ACOXL: variants seen among roughly 807,000 people sequenced by gnomAD.
ACOXL encodes the protein acyl-CoA oxidase like.
ACOXL carries 70 observed loss-of-function variants against 71.9 expected under a neutral mutation model. The ratio of observed to expected loss-of-function variants is 0.97; its 90% confidence interval spans 0.80 to 1.19. The LOEUF (loss-of-function observed/expected upper bound fraction) is 1.19, where lower values mean the gene tolerates loss of function less well. Ranked by LOEUF, ACOXL falls within the 50% of genes most tolerant of loss-of-function variation. ACOXL has a pLI of 0.00. For missense variants in ACOXL, 703 were observed against 736.3 expected, an observed-to-expected ratio of 0.95 and a Z score of 0.52; for synonymous variants, 253 against 281.6, an observed-to-expected ratio of 0.90 and a Z score of 1.02.
At chr2:110,979,136 C>G (rs2062592388) in intron 12 of ACOXL, among the ~76,000 whole-genome samples, 1 of 152,200 alleles carries the variant, frequency 6.6e-6, no homozygotes, top group African/African-American at 2.4e-5. Context: ...GACACATCCA[C>G]TTCCCTGAGT....
chr2:110,991,707 GC>G (rs925367264), intron 13 of ACOXL, among the ~76,000 whole-genome samples: 4 of 151,562 alleles, frequency 2.6e-5, no homozygotes, highest in African/African-American at 9.7e-5. Flanking sequence ...TTTTATTGCT[GC>G]TCAGGACCCT....
intron 9 of ACOXL, among the ~76,000 whole-genome samples, chr2:110,816,197 A>T (rs1283166761): frequency 1.3e-5 from 2 of 151,528 alleles, no homozygotes; most frequent in African/African-American, 4.9e-5. Flanking sequence ...GGATGAATGG[A>T]TGGGTAGATG....
At chr2:110,883,267 G>A (rs1696890226) in intron 10 of ACOXL, among the ~76,000 whole-genome samples, 1 of 152,012 alleles carries the variant, frequency 6.6e-6, no homozygotes, top group Non-Finnish European at 1.5e-5. Context: ...ATGCCACCAT[G>A]CCTAGCTAAT....
intron 16 of ACOXL, among the ~76,000 whole-genome samples, chr2:111,053,302 A>G (rs897858108): frequency 1.3e-5 from 2 of 152,198 alleles, no homozygotes; most frequent in Non-Finnish European, 2.9e-5. Flanking sequence ...CACTCTGTGG[A>G]TGCATTTCTA....
intron 14 of ACOXL, among the ~76,000 whole-genome samples, chr2:111,023,433 T>A (rs1434955760): frequency 1.3e-5 from 2 of 152,116 alleles, no homozygotes; most frequent in African/African-American, 4.8e-5. Context: ...AGGTTTCTGC[T>A]CATCCTGTTT....
intron 9 of ACOXL, among the ~76,000 whole-genome samples, chr2:110,826,670 A>C (rs1428383146): frequency 6.6e-6 from 1 of 152,162 alleles, no homozygotes; most frequent in Non-Finnish European, 1.5e-5. Context: ...ATTGATGTTA[A>C]AAACATGTCA....
At position 110,990,860 on chromosome 2, in the gene ACOXL, T is replaced by C. The variant is rs1441126711; in HGVS notation, c.1169+3643T>C. Among the ~76,000 whole-genome samples, 3 of 152,246 alleles carry C rather than the reference T, an allele frequency of 2.0e-5. No homozygotes were observed. The East Asian group carries it at 5.8e-4, about 29-fold the overall frequency. Reference sequence around the variant, plus strand: ...GCTTAAGAAACACTCAATTTTGTTATGCTGTATTATCATATTTATATTTTC... The same window carrying C: ...GCTTAAGAAACACTCAATTTTGTTACGCTGTATTATCATATTTATATTTTC... On this transcript the variant is annotated intron_variant, in intron 13 of 17. Transcript: ENST00000439055.
chr2:111,064,442 A>AAAAAC (rs1207473677), intron 16 of ACOXL, among the ~76,000 whole-genome samples: 1 of 151,320 alleles, frequency 6.6e-6, no homozygotes, highest in African/African-American at 2.4e-5. Flanking sequence ...TCTCAAAAAA[A>AAAAAC]AAACAAAAAA....
At chr2:110,903,500 C>G (rs996658623) in intron 10 of ACOXL, among the ~76,000 whole-genome samples, 1 of 152,216 alleles carries the variant, frequency 6.6e-6, no homozygotes, top group Non-Finnish European at 1.5e-5. Context: ...GCTGTGCGCA[C>G]AAGCACCACT....
chr2:111,046,438 G>C (rs2066019287), intron 15 of ACOXL, among the ~76,000 whole-genome samples: 1 of 152,166 alleles, frequency 6.6e-6, no homozygotes, highest in Non-Finnish European at 1.5e-5. Flanking sequence ...CCCAAGACTG[G>C]GTAATTTATG....
chr2:110,990,937 GT>G (rs1176285608), intron 13 of ACOXL, among the ~76,000 whole-genome samples: 4 of 152,064 alleles, frequency 2.6e-5, no homozygotes, highest in Non-Finnish European at 4.4e-5. Context: ...TATATTTATG[GT>G]TTTCCATTCT....
chr2:110,786,372 C>T (rs1683965394), intron 3 of ACOXL, among the ~76,000 whole-genome samples: 1 of 152,208 alleles, frequency 6.6e-6, no homozygotes, highest in African/African-American at 2.4e-5. Context: ...TGTCCACCAT[C>T]AGATTTTTCC....
chr2:110,966,432 C>T (rs2061932837), intron 12 of ACOXL, among the ~76,000 whole-genome samples: 1 of 152,214 alleles, frequency 6.6e-6, no homozygotes, highest in African/African-American at 2.4e-5. Flanking sequence ...CTAGTCACTA[C>T]TCTGTGTTCT....
chr2:110,905,699 T>C (rs1178914061), intron 10 of ACOXL, among the ~76,000 whole-genome samples: 1 of 152,182 alleles, frequency 6.6e-6, no homozygotes, highest in Non-Finnish European at 1.5e-5. Context: ...CCTCAGGGGA[T>C]AGCCGTTTCC....
At chr2:111,113,247 A>G (rs2070118620) in intron 17 of ACOXL, 1 of 152,254 alleles carries the variant, frequency 6.6e-6, no homozygotes, top group African/African-American at 2.4e-5. Context: ...GTTACAAGTT[A>G]TGTGACTTAA....
intron 2 of ACOXL, among the ~76,000 whole-genome samples, chr2:110,769,124 C>A (rs1681519904): frequency 6.6e-6 from 1 of 151,606 alleles, no homozygotes; most frequent in Non-Finnish European, 1.5e-5. Context: ...ATTTTAAGGG[C>A]TTTTAAAGTA....
At chr2:110,843,522 G>T (rs2105773828) in intron 10 of ACOXL, among the ~76,000 whole-genome samples, 1 of 152,300 alleles carries the variant, frequency 6.6e-6, no homozygotes, top group Admixed American at 6.5e-5. Flanking sequence ...GAGGTGTGGG[G>T]TGGATCCTGG....
At chr2:110,965,930 C>T (rs780173117) in intron 12 of ACOXL, among the ~76,000 whole-genome samples, 1 of 152,152 alleles carries the variant, frequency 6.6e-6, no homozygotes, top group Non-Finnish European at 1.5e-5. Flanking sequence ...CAGGAGACAC[C>T]TAATCCCCTA....
intron 16 of ACOXL, among the ~76,000 whole-genome samples, chr2:111,081,536 G>C (rs571337955): frequency 6.6e-6 from 1 of 152,084 alleles, no homozygotes; most frequent in Admixed American, 6.5e-5. Flanking sequence ...ACAAACAAAT[G>C]GAAAAACATT....
Sources: gnomAD v4.1 joint callset for allele counts (sites outside exome capture counted in the v4.1 genomes callset) on GRCh38, gnomAD v4.1.1 for gene constraint, MANE v1.5 for transcripts, NCBI Gene and HGNC (gene_info 2026-07-23, HGNC 2026-07-21) for gene names.